TCHP: variants seen among roughly 807,000 people sequenced by gnomAD.
TCHP encodes trichoplein keratin filament binding.
A neutral mutation model predicts 88.7 loss-of-function variants in TCHP; 81 were observed. The ratio of observed to expected loss-of-function variants is 0.91; its 90% CI spans 0.76 to 1.10. The LOEUF (loss-of-function observed/expected upper bound fraction) is 1.10, where lower values mean the gene tolerates loss of function less well. TCHP is among the 50% of genes least tolerant of loss of function. TCHP has a pLI of 0.00. For synonymous variants in TCHP, 232 were observed against 232.5 expected, an observed-to-expected ratio of 1.00 and a Z score of 0.02; for missense variants, 641 against 632.1, an observed-to-expected ratio of 1.01 and a Z score of -0.15.
chr12:109,901,110 C>T (rs1261596622), intron 1 of TCHP: 3 of 152,214 alleles, frequency 2.0e-5, no homozygotes, highest in East Asian at 3.8e-4. Flanking sequence ...TTATCAGTCC[C>T]CTCCCCGGGG....
At chr12:109,890,561 G>C in the TCHP span, among the ~76,000 whole-genome samples, 1 of 151,032 alleles carries the variant, frequency 6.6e-6, no homozygotes, top group Non-Finnish European at 1.5e-5. Context: ...CCAGGCTGGA[G>C]TGCAGTGGCG....
chr12:109,884,964 CTTTGTT>C, the TCHP span, among the ~76,000 whole-genome samples: 2 of 152,154 alleles, frequency 1.3e-5, no homozygotes, highest in Non-Finnish European at 2.9e-5. Flanking sequence ...CAGTAATGTC[CTTTGTT>C]TTTGTTTTTG....
At chr12:109,889,078 C>T in the TCHP span, among the ~76,000 whole-genome samples, 1 of 151,274 alleles carries the variant, frequency 6.6e-6, no homozygotes, top group African/African-American at 2.4e-5. Flanking sequence ...CCTGTAATCC[C>T]AGGACTTTCG....
At chr12:109,912,867 T>C (rs960123129) in intron 9 of TCHP, 124 bp from the exon 10 acceptor site, 5 of 725,276 alleles carry the variant, frequency 6.9e-6, no homozygotes, top group African/African-American at 5.2e-5. Flanking sequence ...TCAAAGTGCA[T>C]GTGGATGTTT....
chr12:109,911,296 G>T (rs186550535), intron 9 of TCHP, 61 bp downstream of exon 9: 39 of 875,958 alleles, frequency 4.5e-5, no homozygotes, highest in African/African-American at 2.9e-4. Context: ...ACCTTGAAAT[G>T]CCCCATGGGT....
At chr12:109,904,320 T>A (rs1870001867) in intron 3 of TCHP, among the ~76,000 whole-genome samples, 173 bp downstream of exon 3, 1 of 152,214 alleles carries the variant, frequency 6.6e-6, no homozygotes, top group Non-Finnish European at 1.5e-5. Context: ...TTGGATCAGT[T>A]AGCTGTAGTC....
At chr12:109,896,108 G>A (rs983034234), upstream of TCHP, among the ~76,000 whole-genome samples, 11 of 151,998 alleles carry the variant, frequency 7.2e-5, no homozygotes, top group African/African-American at 2.7e-4. Flanking sequence ...TACCACACCT[G>A]GCTAATTTTT....
At chr12:109,896,260 A>G (rs1039105466), upstream of TCHP, among the ~76,000 whole-genome samples, 1 of 152,156 alleles carries the variant, frequency 6.6e-6, no homozygotes, top group Non-Finnish European at 1.5e-5. Context: ...GGCCTCTTTT[A>G]AGAGCTACAC....
intron 5 of TCHP, among the ~76,000 whole-genome samples, chr12:109,907,193 G>T (rs371601225): frequency 2.0e-5 from 3 of 152,352 alleles, no homozygotes; most frequent in African/African-American, 7.2e-5. Flanking sequence ...CAGCTAGGAC[G>T]TGTGTCTTTA....
rs1435073970 is a variant in TCHP at position 109,904,724 on chromosome 12, G to A, written c.400-13G>A. On this transcript the variant is annotated splice_polypyrimidine_tract_variant and intron_variant, in intron 3 of 12. Transcript: ENST00000405876. The stretch of plus-strand genomic sequence containing the variant: ...AATGACATCAGGCTTTCCATTTTGT[G>A]TTTTCTTGATAGATTGCTGAACAAC... 1.9e-6 allele frequency: 3 copies of A among 1,608,084 alleles called. No individual in the cohort carries two copies. In the African/African-American group the frequency reaches 4.0e-5, roughly 22 times the overall value.
Position 109,908,715 on chromosome 12 carries a change from C to A in TCHP, c.812+17C>A. ...AGAGCTGGGGTGTGTGTCAGAAGGG[C>A]CCCCCACTCTTCCCAGGCGGGTGGG... On this transcript the variant is annotated intron_variant, in intron 7 of 12. Transcript: ENST00000405876. The A allele has an allele frequency of 6.3e-7, 1 of 1,578,034 alleles. No individual in the cohort carries two copies. The highest frequency in any genetic ancestry group is 8.6e-7 in the Non-Finnish European group (1 of 1,159,530).
chr12:109,903,858 C>CT lies in TCHP; in HGVS notation c.189-75dup. 8.1e-7 allele frequency: 1 copy of CT among 1,234,660 alleles called. No homozygotes were observed. The highest frequency in any genetic ancestry group is 2.0e-5 in the Admixed American group (1 of 50,282). The allele number at this position is 1,234,660 out of a possible 1,614,324, so 76.5% of individuals were successfully genotyped here. A position where few individuals can be genotyped will look rare whatever the true frequency, so the allele number is the denominator to read the frequency against. On this transcript the variant is annotated intron_variant, in intron 2 of 12. Coordinates refer to ENST00000405876, the MANE Select transcript of TCHP (RefSeq NM_001143852.2). This position sits in a 1 kb window ranked among gnomAD's most constrained non-coding sequence, Gnocchi z 4.6. Reference sequence around the variant, plus strand: ...CGTCATGACACATCTACCTCAGCCTCTTTTACCGACACAGCAGAGCAGAGC... The same window carrying CT: ...CGTCATGACACATCTACCTCAGCCTCTTTTTACCGACACAGCAGAGCAGAGC...
chr12:109,889,658 CTGA>C, the TCHP span, among the ~76,000 whole-genome samples: 1 of 152,212 alleles, frequency 6.6e-6, no homozygotes, highest in Non-Finnish European at 1.5e-5. Context: ...CCTGTCAGGG[CTGA>C]TGTGAGATTT....
intron 12 of TCHP, among the ~76,000 whole-genome samples, chr12:109,915,921 C>T (rs541169567): frequency 6.6e-6 from 1 of 152,268 alleles, no homozygotes; most frequent in Admixed American, 6.5e-5. Context: ...GAGACCAGTC[C>T]TCCTCCTCAC....
At chr12:109,882,166 G>A in the TCHP span, among the ~76,000 whole-genome samples, 1 of 152,280 alleles carries the variant, frequency 6.6e-6, no homozygotes, top group African/African-American at 2.4e-5. Flanking sequence ...CAGTACCTCT[G>A]AAGAGGTGAT....
the TCHP span, among the ~76,000 whole-genome samples, chr12:109,889,576 T>C: frequency 3.2e-3 from 482 of 152,322 alleles, 2 homozygotes; most frequent in Non-Finnish European, 5.9e-3. Flanking sequence ...TCATGTGAGC[T>C]TCTCCTGTGT....
In TCHP at chr12:109,911,167, G is replaced by A; in HGVS notation, c.984G>A (p.Met328Ile). The A allele has an allele frequency of 6.3e-7, 1 of 1,594,404 alleles. No homozygotes were observed. The change falls in exon 9 of 13, where the codon ATG becomes ATA. Residue 328 changes from methionine (M) to isoleucine (I), a missense_variant. By Grantham distance (10) the Met-to-Ile change is conservative. Transcript: ENST00000405876. ...AGGTCATGGCCGATGTGGCCTGGAT[G>A]AAGCAGGCCATTGAGGAGCAGCTGC... ...REQVMADVAW[M>I]KQAIEEQLQL...
upstream of TCHP, among the ~76,000 whole-genome samples, chr12:109,895,505 G>A (rs977048978): frequency 1.3e-5 from 2 of 152,014 alleles, no homozygotes; most frequent in Non-Finnish European, 2.9e-5. Context: ...AGGTGTGAAT[G>A]ACCTCACCTG....
chr12:109,883,041 C>CCT, the TCHP span, among the ~76,000 whole-genome samples: 1 of 137,034 alleles, frequency 7.3e-6, no homozygotes, highest in African/African-American at 2.7e-5. Flanking sequence ...TTTTTTTTTT[C>CCT]TTTTTTTTTT....
Sources: allele counts gnomAD v4.1 joint callset (sites outside exome capture counted in the v4.1 genomes callset), GRCh38; gene constraint gnomAD v4.1.1; non-coding constraint Gnocchi (gnomAD v3.1); transcripts MANE v1.5; gene names NCBI Gene and HGNC (gene_info 2026-07-23, HGNC 2026-07-21).